Variants in DISP1 observed in about 807,000 individuals in gnomAD.
DISP1 encodes dispatched RND transporter family member 1, also known as protein dispatched homolog 1.
DISP1 carries 30 observed loss-of-function variants against 37.3 expected under a neutral mutation model. The observed-to-expected ratio is 0.80, with a 90% CI of 0.60 to 1.09. DISP1 has a LOEUF of 1.09. Ranked by LOEUF, DISP1 falls within the 50% of genes least tolerant of loss-of-function variation. The probability of loss-of-function intolerance (pLI) is 0.00; values close to 1 mark genes in which losing one functional copy is unlikely to be tolerated. For missense variants in DISP1, 1,598 were observed against 1,879.5 expected, an observed-to-expected ratio of 0.85 and a Z score of 2.77; for synonymous variants, 634 against 690.2, an observed-to-expected ratio of 0.92 and a Z score of 1.28.
intron 1 of DISP1, among the ~76,000 whole-genome samples, chr1:222,843,247 C>A (rs1225883312): frequency 2.0e-5 from 3 of 151,498 alleles, no homozygotes. Flanking sequence ...TAAAATTATG[C>A]CAACATAGAA....
At chr1:222,850,689 A>T (rs2125308250) in intron 1 of DISP1, among the ~76,000 whole-genome samples, 1 of 152,206 alleles carries the variant, frequency 6.6e-6, no homozygotes, top group South Asian at 2.1e-4. Context: ...GAGAACATGC[A>T]ATGTTTGTTT....
At chr1:222,818,385 A>G (rs558218016) in intron 1 of DISP1, among the ~76,000 whole-genome samples, 1 of 152,188 alleles carries the variant, frequency 6.6e-6, no homozygotes, top group African/African-American at 2.4e-5. Context: ...CTCTTGTGTG[A>G]ATGACCTGGT....
Position 223,004,424 on chromosome 1 carries a change from C to T in DISP1, c.3027C>T (p.Ser1009=). 6.2e-7 allele frequency: 1 copy of T among 1,614,158 alleles called. No homozygotes were observed. The highest frequency in any genetic ancestry group is 2.2e-5 in the East Asian group (1 of 44,874). The part of the protein sequence containing the change: ...MLLTTWNIII[S]LYAIISIAGT... Reference sequence around the variant, plus strand: ...TGACAACTTGGAACATCATCATAAGCCTTTATGCCATCATTTCAATTGCTG... The same window carrying T: ...TGACAACTTGGAACATCATCATAAGTCTTTATGCCATCATTTCAATTGCTG... The change falls in exon 9 of 9, where the codon AGC becomes AGT. Residue 1009 remains serine (S), a synonymous_variant. Coordinates refer to ENST00000675850, the MANE Select transcript of DISP1 (RefSeq NM_001377229.1). The surrounding 1 kb of genome is among the most constrained non-coding windows in gnomAD (Gnocchi z 4.9).
At chr1:222,989,261 A>T in intron 4 of DISP1, 1 of 471,518 alleles carries the variant, frequency 2.1e-6, no homozygotes, top group Non-Finnish European at 2.8e-6. Context: ...AGCCAGAAAT[A>T]GCCATTGCAG....
Position 222,846,895 on chromosome 1 carries a change from T to C in DISP1, c.-159+31817T>C, listed in dbSNP as rs576648141. Among the ~76,000 whole-genome samples the C allele has an allele frequency of 3.3e-5, 5 of 152,378 alleles. No homozygotes were observed. The East Asian group carries it at 9.6e-4, about 29-fold the overall frequency. On this transcript the variant is annotated intron_variant, in intron 1 of 8. Coordinates refer to ENST00000675850, the MANE Select transcript of DISP1 (RefSeq NM_001377229.1). ...CACTGCGACTAATTTTTTATGTTAT[T>C]GCATAGTTTCCGTTGTGATAATTTT...
chr1:222,858,966 C>T (rs2125323062), intron 1 of DISP1, among the ~76,000 whole-genome samples: 1 of 152,280 alleles, frequency 6.6e-6, no homozygotes, highest in East Asian at 1.9e-4. Context: ...TTTGACCCAG[C>T]AATCCCATTA....
chr1:222,855,616 TCA>T (rs1421420035), intron 1 of DISP1, among the ~76,000 whole-genome samples: 1 of 152,228 alleles, frequency 6.6e-6, no homozygotes, highest in Non-Finnish European at 1.5e-5. Context: ...GTTCTGATTT[TCA>T]CAGTTAATCT....
intron 3 of DISP1, among the ~76,000 whole-genome samples, chr1:222,963,969 AT>A (rs1212037483): frequency 1.3e-5 from 2 of 152,088 alleles, no homozygotes; most frequent in Non-Finnish European, 2.9e-5. Context: ...TAATTTGGGG[AT>A]TGTCTCTTTC....
At chr1:222,903,309 GA>G in intron 1 of DISP1, among the ~76,000 whole-genome samples, 1 of 95,976 alleles carries the variant, frequency 1.0e-5, no homozygotes, top group African/African-American at 3.9e-5. Context: ...GGGGTGGGGG[GA>G]GGGGGGAGGG....
At chr1:222,911,797 A>T (rs770941478) in intron 1 of DISP1, among the ~76,000 whole-genome samples, 1 of 152,118 alleles carries the variant, frequency 6.6e-6, no homozygotes, top group Non-Finnish European at 1.5e-5. Context: ...CTCCCAGAGC[A>T]CTAGAATTAT....
chr1:223,002,727 T>G lies in DISP1; in HGVS notation c.1330T>G (p.Tyr444Asp), dbSNP rs138859731. 6 of 1,614,064 alleles carry G rather than the reference T, an allele frequency of 3.7e-6. No homozygotes were observed. The highest frequency in any genetic ancestry group is 5.1e-6 in the Non-Finnish European group (6 of 1,180,054). Residue 444 changes from tyrosine to aspartate, a missense_variant, in exon 9 of 9, where the codon TAT becomes GAT. Tyr to Asp is a radical substitution (Grantham distance 160). Coordinates refer to ENST00000675850, the MANE Select transcript of DISP1 (RefSeq NM_001377229.1). ...CTTTATGACCCCAAAGACGGCTGAC[T>G]ATGCCACGCCAGCTTTAAAATACAG... ...KDFMTPKTAD[Y>D]ATPALKYSML...
chr1:222,939,990 G>A (rs1474172426), intron 2 of DISP1, among the ~76,000 whole-genome samples: 1 of 152,016 alleles, frequency 6.6e-6, no homozygotes, highest in Non-Finnish European at 1.5e-5. Context: ...GCCAGGCGTG[G>A]TGGTGGGCGC....
intron 1 of DISP1, among the ~76,000 whole-genome samples, chr1:222,927,253 A>G (rs1673139551): frequency 6.6e-6 from 1 of 152,102 alleles, no homozygotes; most frequent in Non-Finnish European, 1.5e-5. Flanking sequence ...GGTATCTAAT[A>G]AGATACCACT....
At chr1:222,832,970 A>G (rs1039057393) in intron 1 of DISP1, among the ~76,000 whole-genome samples, 2 of 152,126 alleles carry the variant, frequency 1.3e-5, no homozygotes, top group African/African-American at 4.8e-5. Flanking sequence ...AATAAGTTGA[A>G]AATTAAAACC....
chr1:222,856,035 TC>T (rs1316142506), intron 1 of DISP1, among the ~76,000 whole-genome samples: 2 of 152,214 alleles, frequency 1.3e-5, no homozygotes, highest in South Asian at 2.1e-4. Flanking sequence ...GCTTGGCAGC[TC>T]CAGGGTGTGA....
At chr1:222,833,919 C>T (rs1225507094) in intron 1 of DISP1, among the ~76,000 whole-genome samples, 1 of 152,134 alleles carries the variant, frequency 6.6e-6, no homozygotes, top group Non-Finnish European at 1.5e-5. Context: ...TGCAATAAGG[C>T]TTAAATGAGA....
chr1:222,949,717 C>T (rs984972086), intron 3 of DISP1, among the ~76,000 whole-genome samples: 1 of 152,320 alleles, frequency 6.6e-6, no homozygotes, highest in African/African-American at 2.4e-5. Flanking sequence ...ACCTCCACCT[C>T]CTGGGTTCAA....
chr1:222,816,824 T>A (rs1212834271), intron 1 of DISP1, among the ~76,000 whole-genome samples: 2 of 152,238 alleles, frequency 1.3e-5, no homozygotes, highest in African/African-American at 4.8e-5. Flanking sequence ...CTAAAGTAAT[T>A]GAATTAACTG....
At chr1:222,994,821 G>T (rs137959110) in intron 7 of DISP1, 64 bp from the exon 8 acceptor site, 11 of 1,214,914 alleles carry the variant, frequency 9.1e-6, no homozygotes, top group Middle Eastern at 2.7e-4. Context: ...CAAATCCTGA[G>T]TCTTATGAAA....
Sources: allele counts gnomAD v4.1 joint callset (sites outside exome capture counted in the v4.1 genomes callset), GRCh38; gene constraint gnomAD v4.1.1; non-coding constraint Gnocchi (gnomAD v3.1); transcripts MANE v1.5; gene names NCBI Gene and HGNC (gene_info 2026-07-23, HGNC 2026-07-21).